OSMR: variants seen among roughly 807,000 people sequenced by gnomAD.
OSMR encodes the protein oncostatin-M-specific receptor subunit beta.
OSMR carries 81 observed loss-of-function variants against 99.9 expected under a neutral mutation model. The observed-to-expected ratio is 0.81, with a 90% CI of 0.68 to 0.97. The LOEUF is 0.97. Among genes scored for constraint, OSMR ranks in the 50% least tolerant of loss-of-function variants. The pLI is 0.00. For missense variants in OSMR, 1,099 were observed against 1,153.4 expected (o/e 0.95, Z 0.68); for synonymous variants, 406 against 410.4 (o/e 0.99, Z 0.13).
At chr5:38,901,001 C>T (rs1192210007) in intron 7 of OSMR, among the ~76,000 whole-genome samples, 2 of 152,194 alleles carry the variant, frequency 1.3e-5, no homozygotes, top group Admixed American at 6.5e-5. Flanking sequence ...TTAATCAGTC[C>T]AGTCACTCAG....
chr5:38,939,067 T>C, downstream of OSMR: 1 of 233,068 alleles, frequency 4.3e-6, no homozygotes, highest in Non-Finnish European at 8.5e-6. Context: ...ACTCTTACCA[T>C]GCAAAAATAA....
At chr5:38,860,726 G>A (rs1255161350) in intron 1 of OSMR, among the ~76,000 whole-genome samples, 1 of 152,176 alleles carries the variant, frequency 6.6e-6, no homozygotes, top group Non-Finnish European at 1.5e-5. Context: ...AGGCTGGAGT[G>A]CAATGGCACA....
intron 1 of OSMR, chr5:38,942,705 G>T: frequency 2.8e-6 from 2 of 721,430 alleles, no homozygotes; most frequent in Non-Finnish European, 4.7e-6. Flanking sequence ...ATTCTCCCGC[G>T]CTGACCCCAC....
chr5:38,891,365 G>T (rs559535700), intron 7 of OSMR, among the ~76,000 whole-genome samples: 112 of 152,196 alleles, frequency 7.4e-4, no homozygotes, highest in Non-Finnish European at 1.5e-3. Flanking sequence ...CTGACTAGAC[G>T]CAGCTAGTGT....
intron 1 of OSMR, among the ~76,000 whole-genome samples, chr5:38,866,320 G>A (rs952737719): frequency 7.2e-5 from 11 of 152,140 alleles, no homozygotes; most frequent in African/African-American, 2.4e-4. Context: ...TGGTTGGTGG[G>A]GTGGACTGGT....
downstream of OSMR, chr5:38,938,978 A>G (rs1021461814): frequency 8.6e-6 from 2 of 232,970 alleles, no homozygotes; most frequent in African/African-American, 4.4e-5. Flanking sequence ...GCATAAGACT[A>G]AAGGAGAAAA....
In OSMR at chr5:38,904,946, T is replaced by A. The variant is rs528658832; in HGVS notation, c.1285+443T>A. Among the ~76,000 whole-genome samples, 4 of 152,332 alleles carry A rather than the reference T, an allele frequency of 2.6e-5. No individual in the cohort carries two copies. In the South Asian group the frequency reaches 8.3e-4, roughly 32 times the overall value. On this transcript the variant is annotated intron_variant, in intron 9 of 17. Transcript: ENST00000274276. ...ATTTGTGAGTCATTTGTTCCGGTGA[T>A]GCCACACTGTGTGCCCTCTCCAGCA...
chr5:38,904,409 C>G lies in OSMR; in HGVS notation c.1191C>G (p.Ala397=). ...GEYFLSELEP[A]TEYMARVRCA... is the part of the protein sequence containing the mutation. Reference sequence around the variant, plus strand: ...ACTTCTTAAGTGAACTGGAACCTGCCACAGAGTACATGGCGCGAGTACGGT... The same window carrying G: ...ACTTCTTAAGTGAACTGGAACCTGCGACAGAGTACATGGCGCGAGTACGGT... Residue 397 remains alanine (A), a synonymous_variant, in exon 9 of 18, where the codon GCC becomes GCG. Transcript: ENST00000274276. 1 of 1,614,070 alleles carries G rather than the reference C, an allele frequency of 6.2e-7. No individual in the cohort carries two copies. Among genetic ancestry groups the G allele is most frequent in the Non-Finnish European group, 8.5e-7 (1 of 1,180,020 alleles).
chr5:38,896,790 A>C (rs1744547250), intron 7 of OSMR, among the ~76,000 whole-genome samples: 2 of 151,726 alleles, frequency 1.3e-5, no homozygotes, highest in African/African-American at 4.8e-5. Flanking sequence ...GGTCTGTCGT[A>C]TATGACTTTT....
In OSMR at chr5:38,924,586, GTTCT is replaced by G. The variant is rs750740674; in HGVS notation, c.2039_2042del (p.Leu680GlnfsTer19). ...GTGCCACCCACGATTTGAAAAGGCAGTTCTTTCAGGTGACATCTATTTTTAATTT... is the reference window on the plus strand; with the variant it reads ...GTGCCACCCACGATTTGAAAAGGCAGTTCAGGTGACATCTATTTTTAATTT... On this transcript the variant is annotated frameshift_variant, in exon 14 of 18. Coordinates refer to ENST00000274276, the MANE Select transcript of OSMR (RefSeq NM_003999.3). LOFTEE classifies it high-confidence loss of function. 3 of 1,607,946 alleles carry G rather than the reference GTTCT, an allele frequency of 1.9e-6. No homozygotes were observed. The highest frequency in any genetic ancestry group is 2.2e-5 in the South Asian group (2 of 90,944).
chr5:38,919,636 C>T (rs1359103343), intron 11 of OSMR: 1 of 282,892 alleles, frequency 3.5e-6, no homozygotes, highest in Admixed American at 5.0e-5. Context: ...TCCTTCTTAG[C>T]CATAAAAAGA....
chr5:38,894,510 A>G (rs1468567619), intron 7 of OSMR, among the ~76,000 whole-genome samples: 1 of 152,190 alleles, frequency 6.6e-6, no homozygotes, highest in Non-Finnish European at 1.5e-5. Context: ...AAGATCTGTC[A>G]TAAAAATGGA....
At chr5:38,867,703 G>A (rs926202973) in intron 1 of OSMR, among the ~76,000 whole-genome samples, 9 of 152,192 alleles carry the variant, frequency 5.9e-5, no homozygotes, top group Non-Finnish European at 1.0e-4. Context: ...AAGGAAAACC[G>A]GAAATTATTT....
chr5:38,900,690 G>C (rs1039146730), intron 7 of OSMR, among the ~76,000 whole-genome samples: 2 of 152,332 alleles, frequency 1.3e-5, no homozygotes, highest in East Asian at 3.9e-4. Flanking sequence ...TTGACTACAA[G>C]GATCAATAAC....
chr5:38,882,739 GATA>G (rs1211673437), intron 4 of OSMR, among the ~76,000 whole-genome samples: 2 of 152,172 alleles, frequency 1.3e-5, no homozygotes, highest in South Asian at 2.1e-4. Context: ...ATACTAATGA[GATA>G]ATAATAATTG....
intron 3 of OSMR, 24 bp from the exon 4 acceptor site, chr5:38,881,569 C>G (rs757178327): frequency 6.2e-7 from 1 of 1,614,084 alleles, no homozygotes; most frequent in South Asian, 1.1e-5. Flanking sequence ...TATGTGTCTC[C>G]AATTGTTTTC....
downstream of OSMR, among the ~76,000 whole-genome samples, chr5:38,936,034 A>ATCT (rs1180017537): frequency 1.3e-5 from 2 of 152,242 alleles, no homozygotes; most frequent in Non-Finnish European, 1.5e-5. Flanking sequence ...ACTATATGCC[A>ATCT]TCTTAACATG....
chr5:38,854,699 T>A (rs970583487), intron 1 of OSMR, among the ~76,000 whole-genome samples: 11 of 152,174 alleles, frequency 7.2e-5, no homozygotes, highest in African/African-American at 2.7e-4. Flanking sequence ...ATCAAATACT[T>A]ACTGAGTAGC....
At chr5:38,921,925 G>T in intron 12 of OSMR, 131 bp downstream of exon 12, 1 of 748,706 alleles carries the variant, frequency 1.3e-6, no homozygotes, top group Non-Finnish European at 2.3e-6. Flanking sequence ...TCCAGCATGG[G>T]TGTTAGGAGT....
Sources: gnomAD v4.1 joint callset for allele counts (sites outside exome capture counted in the v4.1 genomes callset) on GRCh38, gnomAD v4.1.1 for gene constraint, MANE v1.5 for transcripts, NCBI Gene and HGNC (gene_info 2026-07-23, HGNC 2026-07-21) for gene names.